Variants in TCF4 observed in about 807,000 individuals in gnomAD.
The protein encoded by TCF4 is transcription factor 4.
Under a neutral mutation model 82.1 loss-of-function variants are expected in TCF4, and 3 were observed. The observed-to-expected ratio is 0.04, with a 90% CI of 0.02 to 0.09. TCF4 has a LOEUF of 0.09. TCF4 is among the 10% of genes least tolerant of loss of function. The pLI, the probability that TCF4 is intolerant of heterozygous loss-of-function variation, is 1.00. For synonymous variants in TCF4, 276 were observed against 309.6 expected (o/e 0.89, Z 1.14); for missense variants, 518 against 852.7 (o/e 0.61, Z 4.89).
intron 15 of TCF4, among the ~76,000 whole-genome samples, chr18:55,252,054 T>C (rs1382522461): frequency 1.3e-5 from 2 of 152,136 alleles, no homozygotes. Context: ...CTTATGTTTT[T>C]GTTTTAAAAT....
intron 3 of TCF4, among the ~76,000 whole-genome samples, chr18:55,509,274 G>T (rs748546324): frequency 2.0e-5 from 3 of 151,764 alleles, no homozygotes; most frequent in Non-Finnish European, 4.4e-5. Context: ...CTCTTCTCTG[G>T]TAAAACTGTA....
chr18:55,548,993 T>G (rs993603140), intron 3 of TCF4, among the ~76,000 whole-genome samples: 6 of 150,424 alleles, frequency 4.0e-5, no homozygotes, highest in Non-Finnish European at 8.8e-5. Flanking sequence ...TACATTGAAT[T>G]TTTTTTTTCT....
rs1462159410 is a variant in TCF4, at chr18:55,227,964, G to A, written c.*71C>T. ...GGGTTAAGGAGAAGTGTTTATGTGG[G>A]TTTAAGATAATACAGCTGTTAAGGA... On this transcript the variant is annotated 3_prime_UTR_variant, in exon 20 of 20. Coordinates refer to ENST00000354452, the MANE Select transcript of TCF4 (RefSeq NM_001083962.2). 1.3e-5 allele frequency: 6 copies of A among 464,242 alleles called. No homozygotes were observed. Among genetic ancestry groups the A allele is most frequent in the South Asian group, 2.2e-5 (1 of 45,606 alleles). 28.8% of individuals were successfully genotyped at this position (464,242 alleles called of 1,614,324 possible). A position where few individuals can be genotyped will look rare whatever the true frequency, so the allele number is the denominator to read the frequency against.
intron 3 of TCF4, among the ~76,000 whole-genome samples, chr18:55,476,453 GTTTT>G (rs538974754): frequency 6.7e-6 from 1 of 148,672 alleles, no homozygotes; most frequent in Non-Finnish European, 1.5e-5. Flanking sequence ...AGCCCTCGTT[GTTTT>G]TTTGTTTTTT....
chr18:55,458,958 T>G (rs1603482779), intron 5 of TCF4, among the ~76,000 whole-genome samples: 1 of 152,152 alleles, frequency 6.6e-6, no homozygotes, highest in East Asian at 1.9e-4. Context: ...TTCTTTTCTG[T>G]GCAAAAATCT....
chr18:55,253,781 T>TA (rs1010469524), intron 15 of TCF4, among the ~76,000 whole-genome samples: 38 of 148,348 alleles, frequency 2.6e-4, no homozygotes, highest in South Asian at 1.9e-3. Context: ...CTTCTTTAAT[T>TA]AAAAAAAAAA....
chr18:55,434,038 C>T (rs2095267832), intron 5 of TCF4, among the ~76,000 whole-genome samples: 1 of 152,094 alleles, frequency 6.6e-6, no homozygotes, highest in Non-Finnish European at 1.5e-5. Context: ...CAGAGTAAAA[C>T]AATTTTTTCA....
intron 15 of TCF4, among the ~76,000 whole-genome samples, chr18:55,249,257 T>C (rs990656675): frequency 2.0e-5 from 3 of 152,226 alleles, no homozygotes; most frequent in East Asian, 1.9e-4. Context: ...CTCATGTATA[T>C]AATGTCAGTT....
intron 3 of TCF4, among the ~76,000 whole-genome samples, chr18:55,526,472 A>T (rs902441153): frequency 1.3e-5 from 2 of 152,176 alleles, no homozygotes; most frequent in Non-Finnish European, 2.9e-5. Context: ...GAGTACATAG[A>T]TAACAAGAGA....
chr18:55,552,860 GACA>G (rs771594063), intron 3 of TCF4, among the ~76,000 whole-genome samples: 17 of 152,214 alleles, frequency 1.1e-4, no homozygotes, highest in Non-Finnish European at 2.1e-4. Context: ...AGAGTCATTA[GACA>G]TTTAAATCAG....
chr18:55,281,309 T>C (rs918320288), intron 8 of TCF4, among the ~76,000 whole-genome samples: 7 of 152,170 alleles, frequency 4.6e-5, no homozygotes, highest in Non-Finnish European at 8.8e-5. Flanking sequence ...AACAAAGAGT[T>C]TGTGAATTAC....
intron 8 of TCF4, among the ~76,000 whole-genome samples, chr18:55,292,270 G>GT (rs1469882875): frequency 2.6e-5 from 4 of 152,086 alleles, no homozygotes; most frequent in African/African-American, 9.7e-5. Flanking sequence ...AAAAATTATA[G>GT]TAAGAATGAC....
intron 3 of TCF4, among the ~76,000 whole-genome samples, chr18:55,539,384 A>T (rs535985331): frequency 6.6e-6 from 1 of 152,342 alleles, no homozygotes; most frequent in East Asian, 1.9e-4. Context: ...AAACTTTTCC[A>T]TATGCAGTTG....
chr18:55,545,859 A>G (rs1045530670), intron 3 of TCF4, among the ~76,000 whole-genome samples: 3 of 152,240 alleles, frequency 2.0e-5, no homozygotes, highest in African/African-American at 7.2e-5. Context: ...CCCTGTCTCT[A>G]AAAAACCTGT....
chr18:55,590,463 A>AATGTT (rs2097683143), upstream of TCF4, among the ~76,000 whole-genome samples: 3 of 152,234 alleles, frequency 2.0e-5, no homozygotes, highest in African/African-American at 7.2e-5. Flanking sequence ...AGTTTGTGCC[A>AATGTT]TAAGCCACGA....
At chr18:55,264,566 T>C (rs772060071) in intron 11 of TCF4, 45 of 152,062 alleles carry the variant, frequency 3.0e-4, no homozygotes, top group Non-Finnish European at 2.2e-4. Context: ...AAAAGAAATA[T>C]ATTTTAATTC....
At chr18:55,419,531 C>G (rs2094650355) in intron 5 of TCF4, among the ~76,000 whole-genome samples, 1 of 152,030 alleles carries the variant, frequency 6.6e-6, no homozygotes, top group African/African-American at 2.4e-5. Context: ...AAAGCAAAAC[C>G]TTTATTATCT....
At position 55,431,569 on chromosome 18, in the gene TCF4, C is replaced by T. The variant is rs1252074856; in HGVS notation, c.305-28051G>A. ...TGCTGGGATTACAGTTGTGAACCAC[C>T]GTGGCCGGCCTCCACTTTCTTTCTT... is the stretch of plus-strand genomic sequence containing the variant. On this transcript the variant is annotated intron_variant, in intron 5 of 19. Transcript: ENST00000354452. Among the ~76,000 whole-genome samples, 5 of 152,264 alleles carry T rather than the reference C, an allele frequency of 3.3e-5. No individual in the cohort carries two copies. The South Asian group carries it at 8.3e-4, about 25-fold the overall frequency.
chr18:55,488,379 G>C (rs1290611562), intron 3 of TCF4, among the ~76,000 whole-genome samples: 1 of 152,054 alleles, frequency 6.6e-6, no homozygotes, highest in African/African-American at 2.4e-5. Flanking sequence ...TACATAAACA[G>C]GAGTGAAATT....
Sources: gnomAD v4.1 joint callset for allele counts (sites outside exome capture counted in the v4.1 genomes callset) on GRCh38, gnomAD v4.1.1 for gene constraint, MANE v1.5 for transcripts, NCBI Gene and HGNC (gene_info 2026-07-23, HGNC 2026-07-21) for gene names.